Variants in TTC28 observed in about 807,000 individuals in gnomAD.
The protein encoded by TTC28 is tetratricopeptide repeat protein 28.
A neutral mutation model predicts 198.0 loss-of-function variants in TTC28; 61 were observed. The ratio of observed to expected loss-of-function variants is 0.31; its 90% CI spans 0.25 to 0.38. The LOEUF is 0.38. Ranked by LOEUF, TTC28 falls within the 10% of genes least tolerant of loss-of-function variation. TTC28 has a pLI of 1.00. For missense variants in TTC28, 2,678 were observed against 3,164.0 expected (o/e 0.85, Z 3.69); for synonymous variants, 1,171 against 1,297.8 (o/e 0.90, Z 2.10).
intron 2 of TTC28, among the ~76,000 whole-genome samples, chr22:28,457,095 G>A (rs985583238): frequency 3.9e-5 from 6 of 152,154 alleles, no homozygotes; most frequent in Admixed American, 3.3e-4. Context: ...TCATTTGTAA[G>A]ACAAAATAAA....
chr22:28,599,277 G>C (rs2050598385), intron 2 of TTC28, among the ~76,000 whole-genome samples: 1 of 152,278 alleles, frequency 6.6e-6, no homozygotes, highest in East Asian at 1.9e-4. Flanking sequence ...TAGGAAGGAC[G>C]GTTTTATTAT....
intron 2 of TTC28, among the ~76,000 whole-genome samples, chr22:28,496,753 T>A (rs1369946622): frequency 6.6e-6 from 1 of 151,958 alleles, no homozygotes; most frequent in African/African-American, 2.4e-5. Context: ...CTAAGTCAGA[T>A]AAAGTCACTC....
At chr22:28,672,955 C>T (rs1000264237) in intron 1 of TTC28, among the ~76,000 whole-genome samples, 6 of 152,030 alleles carry the variant, frequency 3.9e-5, no homozygotes, top group Admixed American at 6.5e-5. Context: ...TTTTGAGATC[C>T]CACTTGATAA....
At chr22:28,178,599 G>T (rs1004899625) in intron 5 of TTC28, among the ~76,000 whole-genome samples, 1 of 152,180 alleles carries the variant, frequency 6.6e-6, no homozygotes, top group Non-Finnish European at 1.5e-5. Flanking sequence ...GTCGGAGTGT[G>T]TTATGATTGG....
At chr22:28,055,969 T>C (rs1217066078) in intron 12 of TTC28, among the ~76,000 whole-genome samples, 1 of 152,220 alleles carries the variant, frequency 6.6e-6, no homozygotes, top group Admixed American at 6.5e-5. Context: ...GATATCACCT[T>C]ATATAGTTCA....
chr22:28,412,804 G>A (rs2047102763), intron 2 of TTC28, among the ~76,000 whole-genome samples: 1 of 152,186 alleles, frequency 6.6e-6, no homozygotes, highest in Non-Finnish European at 1.5e-5. Context: ...AATGGGGCAG[G>A]TGGGCTGCAG....
intron 2 of TTC28, among the ~76,000 whole-genome samples, chr22:28,486,279 T>C (rs2048313980): frequency 6.6e-6 from 1 of 152,052 alleles, no homozygotes; most frequent in Admixed American, 6.6e-5. Context: ...GGAAGAAAAG[T>C]AAAGCAGAAA....
intron 2 of TTC28, among the ~76,000 whole-genome samples, chr22:28,509,729 C>T (rs1601487836): frequency 6.6e-6 from 1 of 151,854 alleles, no homozygotes; most frequent in East Asian, 1.9e-4. Context: ...CTTCAAAAAA[C>T]AATCAATGAA....
intron 2 of TTC28, among the ~76,000 whole-genome samples, chr22:28,480,078 G>C (rs1183311820): frequency 6.6e-6 from 1 of 152,112 alleles, no homozygotes. Context: ...AGCCAAATGG[G>C]GGTTATCAAC....
intron 2 of TTC28, among the ~76,000 whole-genome samples, chr22:28,317,419 T>C (rs1480414174): frequency 6.6e-6 from 1 of 152,228 alleles, no homozygotes; most frequent in East Asian, 1.9e-4. Context: ...TAACAAACAA[T>C]TTACCTAGTT....
intron 2 of TTC28, among the ~76,000 whole-genome samples, chr22:28,579,581 G>GTA (rs138886444): frequency 0.14 from 21,315 of 147,710 alleles, 1,624 homozygotes; most frequent in Middle Eastern, 0.21. Context: ...GCATGTGTGT[G>GTA]TATATATATA....
chr22:28,075,827 A>AG (rs1000065663), intron 12 of TTC28, among the ~76,000 whole-genome samples: 2 of 152,194 alleles, frequency 1.3e-5, no homozygotes, highest in African/African-American at 4.8e-5. Context: ...AAGTAGGCAG[A>AG]GCGAGGCACA....
chr22:28,485,505 T>A (rs2048304616), intron 2 of TTC28, among the ~76,000 whole-genome samples: 1 of 152,170 alleles, frequency 6.6e-6, no homozygotes, highest in African/African-American at 2.4e-5. Flanking sequence ...AATATATTCA[T>A]GCCAATTCTC....
chr22:28,025,578 C>T (rs575085520), intron 13 of TTC28, among the ~76,000 whole-genome samples: 6 of 152,134 alleles, frequency 3.9e-5, no homozygotes, highest in Admixed American at 3.9e-4. Flanking sequence ...CCCACATGTA[C>T]GTTCATAAAA....
At chr22:28,095,050 A>G (rs1941932571) in intron 11 of TTC28, among the ~76,000 whole-genome samples, 1 of 152,168 alleles carries the variant, frequency 6.6e-6, no homozygotes, top group Admixed American at 6.5e-5. Flanking sequence ...CATGTCCCCA[A>G]GATGTAACAA....
At chr22:28,069,925 A>AACACACACACACACAC (rs60436240) in intron 12 of TTC28, among the ~76,000 whole-genome samples, 2 of 142,052 alleles carry the variant, frequency 1.4e-5, no homozygotes, top group Non-Finnish European at 3.1e-5. Context: ...AGGTTGTACA[A>AACACACACACACACAC]ACACACACAC....
At position 28,297,608 on chromosome 22, in the gene TTC28, C is replaced by A; in HGVS notation, c.774G>T (p.Gln258His). Reference protein sequence around the residue: ...GNTEKSTGYMQQDLDVAKTLG... With the variant: ...GNTEKSTGYMHQDLDVAKTLG... The stretch of plus-strand genomic sequence containing the variant: ...AGGTCTTGGCTACATCCAAGTCCTG[C>A]TGCATATATCCGGTGCTCTTCTCTG... The change falls in exon 4 of 23, where the codon CAG (glutamine) becomes CAT (histidine). Residue 258 changes from glutamine to histidine, a missense_variant. Gln to His is a conservative substitution (Grantham distance 24). This residue lies in a region of TTC28 where 36 missense variants were observed against 78.7 expected (regional missense o/e 0.46). Coordinates refer to ENST00000397906, the MANE Select transcript of TTC28 (RefSeq NM_001145418.2). The A allele has an allele frequency of 5.8e-6, 9 of 1,551,662 alleles. No individual in the cohort carries two copies. In the Middle Eastern group the frequency reaches 8.4e-4, roughly 144 times the overall value.
At chr22:28,403,601 C>A (rs897758949) in intron 2 of TTC28, among the ~76,000 whole-genome samples, 3 of 152,178 alleles carry the variant, frequency 2.0e-5, no homozygotes, top group Admixed American at 6.5e-5. Flanking sequence ...GCTCCCTTAC[C>A]CAAGTGCTTC....
intron 12 of TTC28, among the ~76,000 whole-genome samples, chr22:28,045,132 C>T (rs1305344060): frequency 6.6e-6 from 1 of 152,170 alleles, no homozygotes; most frequent in Non-Finnish European, 1.5e-5. Context: ...TAGGTTTAAT[C>T]ACATCGATAA....
Sources: gnomAD v4.1 joint callset for allele counts (sites outside exome capture counted in the v4.1 genomes callset) on GRCh38, gnomAD v4.1.1 for gene constraint, gnomAD v4.1.1 regional missense constraint, MANE v1.5 for transcripts, NCBI Gene and HGNC (gene_info 2026-07-23, HGNC 2026-07-21) for gene names.